TAFA2: variants seen among roughly 807,000 people sequenced by gnomAD.
TAFA2 encodes TAFA chemokine like family member 2, also known as chemokine-like protein TAFA-2.
Under a neutral mutation model 18.8 loss-of-function variants are expected in TAFA2, and 7 were observed. That is an observed-to-expected ratio of 0.37 (90% CI 0.21 to 0.70). TAFA2 has a LOEUF of 0.70. TAFA2 is among the 30% of genes least tolerant of loss of function. The pLI is 0.53. For missense variants in TAFA2, 122 were observed against 158.1 expected, an observed-to-expected ratio of 0.77 and a Z score of 1.23; for synonymous variants, 60 against 54.2, an observed-to-expected ratio of 1.11 and a Z score of -0.47.
At chr12:61,805,711 A>C (rs779706005) in intron 2 of TAFA2, among the ~76,000 whole-genome samples, 1 of 152,132 alleles carries the variant, frequency 6.6e-6, no homozygotes, top group Non-Finnish European at 1.5e-5. Flanking sequence ...TTAGTAGATT[A>C]ATGTGGAAAT....
chr12:62,019,746 C>A lies in TAFA2; in HGVS notation c.-1-152320G>T, dbSNP rs1206885152. Among the ~76,000 whole-genome samples, 3 of 151,444 alleles carry A rather than the reference C, an allele frequency of 2.0e-5. No homozygotes were observed. In the East Asian group the frequency reaches 5.8e-4, roughly 29 times the overall value. ...ATGACGAGTTAATGGGTGCAGCACA[C>A]CAACATGGCACATGTATACATATGT... On this transcript the variant is annotated intron_variant, in intron 1 of 4. Transcript: ENST00000416284.
chr12:61,953,248 A>C (rs1878531919), intron 1 of TAFA2, among the ~76,000 whole-genome samples: 1 of 151,954 alleles, frequency 6.6e-6, no homozygotes, highest in Admixed American at 6.6e-5. Context: ...CAAAAACATA[A>C]CTTTGTAGTA....
intron 2 of TAFA2, among the ~76,000 whole-genome samples, chr12:61,781,757 A>G (rs1870513785): frequency 6.6e-6 from 1 of 151,812 alleles, no homozygotes; most frequent in Non-Finnish European, 1.5e-5. Flanking sequence ...ATGCAATTAT[A>G]AACTGGTACC....
At chr12:61,907,383 T>C (rs1876404121) in intron 1 of TAFA2, among the ~76,000 whole-genome samples, 2 of 152,220 alleles carry the variant, frequency 1.3e-5, no homozygotes, top group African/African-American at 4.8e-5. Context: ...GCTCAGGCCA[T>C]TGCTTCAGAG....
At chr12:61,717,257 C>T (rs781532588) in intron 4 of TAFA2, among the ~76,000 whole-genome samples, 10 of 152,050 alleles carry the variant, frequency 6.6e-5, no homozygotes, top group Non-Finnish European at 1.5e-4. Context: ...TGAGGTATTA[C>T]GAAATGAAAG....
chr12:61,870,592 C>A (rs1349482091), intron 1 of TAFA2, among the ~76,000 whole-genome samples: 5 of 152,082 alleles, frequency 3.3e-5, no homozygotes, highest in Non-Finnish European at 7.4e-5. Flanking sequence ...TTCTTTATGT[C>A]TCTAATCTCA....
intron 1 of TAFA2, among the ~76,000 whole-genome samples, chr12:61,869,600 CT>C (rs1388854137): frequency 3.9e-5 from 6 of 152,120 alleles, no homozygotes; most frequent in Non-Finnish European, 8.8e-5. Context: ...CCAAATATGC[CT>C]TTTAGAAACA....
intron 1 of TAFA2, among the ~76,000 whole-genome samples, chr12:61,912,716 T>C (rs1377912551): frequency 6.6e-6 from 1 of 152,196 alleles, no homozygotes; most frequent in East Asian, 1.9e-4. Flanking sequence ...TCCTGTTCAC[T>C]TCCCCCTGGT....
intron 1 of TAFA2, among the ~76,000 whole-genome samples, chr12:62,096,178 T>C (rs533182590): frequency 6.6e-6 from 1 of 152,206 alleles, no homozygotes; most frequent in South Asian, 2.1e-4. Context: ...GGACTCTTAA[T>C]CTTTAAGCAC....
chr12:61,744,513 T>C (rs895839801), intron 4 of TAFA2, among the ~76,000 whole-genome samples: 6 of 152,124 alleles, frequency 3.9e-5, no homozygotes, highest in African/African-American at 1.4e-4. Context: ...TTAAATTATA[T>C]TTAATTAAGT....
intron 1 of TAFA2, among the ~76,000 whole-genome samples, chr12:61,910,112 G>T (rs1230325823): frequency 2.0e-5 from 3 of 150,098 alleles, no homozygotes; most frequent in African/African-American, 7.4e-5. Context: ...GTGTGTGTGT[G>T]TGTGTGTGTG....
chr12:61,773,060 C>T (rs953048778), intron 2 of TAFA2, among the ~76,000 whole-genome samples: 9 of 151,876 alleles, frequency 5.9e-5, no homozygotes, highest in Non-Finnish European at 1.3e-4. Flanking sequence ...TATACACCAA[C>T]AGTGACCAAG....
chr12:61,844,880 A>G (rs1348823951), intron 2 of TAFA2, among the ~76,000 whole-genome samples: 1 of 152,148 alleles, frequency 6.6e-6, no homozygotes, highest in Admixed American at 6.5e-5. Context: ...GAACTTAAAG[A>G]ATATAGACAT....
At chr12:61,915,633 C>T (rs1421448332) in intron 1 of TAFA2, among the ~76,000 whole-genome samples, 1 of 152,114 alleles carries the variant, frequency 6.6e-6, no homozygotes, top group Non-Finnish European at 1.5e-5. Flanking sequence ...AGCAGGGAAG[C>T]CAATTGTGTA....
At chr12:61,956,417 A>C (rs913820374) in intron 1 of TAFA2, among the ~76,000 whole-genome samples, 6 of 152,094 alleles carry the variant, frequency 3.9e-5, no homozygotes, top group Non-Finnish European at 8.8e-5. Flanking sequence ...AATGAATAAT[A>C]TTGATTTGAT....
Position 62,119,366 on chromosome 12 carries a change from C to G in TAFA2, c.-2+71893G>C, listed in dbSNP as rs543362842. On this transcript the variant is annotated intron_variant, in intron 1 of 4. Transcript: ENST00000416284. ...AGAATGATTATAAAAAGAAGAGAAA[C>G]AAGAAGATGATTTCCCCGAAGCATC... is the stretch of plus-strand genomic sequence containing the variant. Among the ~76,000 whole-genome samples, 653 of 151,554 alleles carry G rather than the reference C, an allele frequency of 4.3e-3. 6 individuals are homozygous for G. Among genetic ancestry groups the G allele is most frequent in the African/African-American group, 0.015 (620 of 41,312 alleles).
intron 1 of TAFA2, among the ~76,000 whole-genome samples, chr12:61,988,942 G>C (rs968302335): frequency 1.3e-5 from 2 of 152,172 alleles, no homozygotes; most frequent in Non-Finnish European, 2.9e-5. Flanking sequence ...TATATGGGCA[G>C]ACTACAGGGT....
intron 1 of TAFA2, among the ~76,000 whole-genome samples, chr12:62,203,126 T>G (rs1165983165): frequency 6.6e-6 from 1 of 152,164 alleles, no homozygotes; most frequent in Non-Finnish European, 1.5e-5. Context: ...CACACCCATC[T>G]TACATGTAGT....
chr12:61,897,137 G>A (rs1163985700), intron 1 of TAFA2, among the ~76,000 whole-genome samples: 1 of 152,050 alleles, frequency 6.6e-6, no homozygotes, highest in Non-Finnish European at 1.5e-5. Context: ...ATTACCATTG[G>A]TCTTGAAAGA....
Sources: allele counts gnomAD v4.1 joint callset (sites outside exome capture counted in the v4.1 genomes callset), GRCh38; gene constraint gnomAD v4.1.1; transcripts MANE v1.5; gene names NCBI Gene and HGNC (gene_info 2026-07-23, HGNC 2026-07-21).